SHISA9: variants seen among roughly 807,000 people sequenced by gnomAD.
SHISA9 encodes the protein protein shisa-9.
In SHISA9, 13 loss-of-function variants were observed where a neutral mutation model predicts 38.0. That is an observed-to-expected ratio of 0.34 (90% confidence interval 0.22 to 0.54). SHISA9 has a LOEUF of 0.54. Among genes scored for constraint, SHISA9 ranks in the 20% least tolerant of loss-of-function variants. The pLI is 0.91. For synonymous variants in SHISA9, 275 were observed against 242.0 expected, an observed-to-expected ratio of 1.14 and a Z score of -1.27; for missense variants, 538 against 575.8, an observed-to-expected ratio of 0.93 and a Z score of 0.67.
the SHISA9 span, among the ~76,000 whole-genome samples, chr16:13,386,655 T>C: frequency 6.6e-6 from 1 of 152,220 alleles, no homozygotes; most frequent in African/African-American, 2.4e-5. Context: ...TTTTCTTTGA[T>C]GTGGATTGTT....
At chr16:13,509,472 C>A in the SHISA9 span, among the ~76,000 whole-genome samples, 2 of 152,048 alleles carry the variant, frequency 1.3e-5, no homozygotes, top group African/African-American at 4.8e-5. Context: ...GTGCTGATAA[C>A]AGTGCCTGCC....
chr16:13,015,878 C>CT (rs1555454816), intron 2 of SHISA9, among the ~76,000 whole-genome samples: 1 of 111,766 alleles, frequency 8.9e-6, no homozygotes, highest in Non-Finnish European at 2.1e-5. Context: ...TTCTTTCTTT[C>CT]TTTCTTTCTT....
the SHISA9 span, among the ~76,000 whole-genome samples, chr16:13,399,498 A>T: frequency 6.6e-6 from 1 of 152,148 alleles, no homozygotes. Flanking sequence ...TATTTTTGTG[A>T]GTCCCCAGGG....
chr16:12,959,757 G>T lies in SHISA9; in HGVS notation c.691+42942G>T, dbSNP rs796632531. ...CCCAGCAAATGAGTGGCAGAGCCAA[G>T]TAGAGCCCAGACCTTCAACCTTCTA... is the stretch of plus-strand genomic sequence containing the variant. On this transcript the variant is annotated intron_variant, in intron 2 of 4. Coordinates refer to ENST00000558583, the MANE Select transcript of SHISA9 (RefSeq NM_001145204.3). Among the ~76,000 whole-genome samples the T allele has an allele frequency of 4.6e-5, 7 of 152,322 alleles. 1 individual carries two copies. Among genetic ancestry groups the T allele is most frequent in the African/African-American group, 1.7e-4 (7 of 41,576 alleles).
chr16:13,323,541 T>C, the SHISA9 span, among the ~76,000 whole-genome samples: 1 of 152,194 alleles, frequency 6.6e-6, no homozygotes, highest in African/African-American at 2.4e-5. Context: ...ATTAATCCTT[T>C]CTCACACTAC....
At chr16:13,502,594 G>A in the SHISA9 span, among the ~76,000 whole-genome samples, 336 of 152,276 alleles carry the variant, frequency 2.2e-3, 5 homozygotes, top group African/African-American at 7.9e-3. Flanking sequence ...GGAAAGACAG[G>A]CCGGGCGCGG....
the SHISA9 span, among the ~76,000 whole-genome samples, chr16:13,285,065 CT>C: frequency 4.0e-5 from 6 of 151,876 alleles, no homozygotes; most frequent in Non-Finnish European, 7.4e-5. Flanking sequence ...CATGGATAGC[CT>C]TTTTTTTCTT....
intron 2 of SHISA9, among the ~76,000 whole-genome samples, chr16:12,975,744 AG>A (rs925540815): frequency 1.3e-5 from 2 of 149,910 alleles, no homozygotes; most frequent in African/African-American, 2.5e-5. Context: ...TGGGGCTGGG[AG>A]GGGGGACTGG....
chr16:13,495,778 A>G, the SHISA9 span, among the ~76,000 whole-genome samples: 1 of 152,212 alleles, frequency 6.6e-6, no homozygotes, highest in Non-Finnish European at 1.5e-5. Context: ...GCAAGGAAAT[A>G]CAAAATGTAA....
At chr16:13,024,538 C>A (rs1376871111) in intron 2 of SHISA9, among the ~76,000 whole-genome samples, 1 of 152,214 alleles carries the variant, frequency 6.6e-6, no homozygotes, top group Non-Finnish European at 1.5e-5. Flanking sequence ...TTCCTTACTC[C>A]CACCAGTGCT....
the SHISA9 span, among the ~76,000 whole-genome samples, chr16:13,437,041 G>A: frequency 6.6e-6 from 1 of 152,092 alleles, no homozygotes; most frequent in African/African-American, 2.4e-5. Context: ...AAAGCACAGG[G>A]AAACCCCACC....
intron 2 of SHISA9, among the ~76,000 whole-genome samples, chr16:13,088,966 T>C (rs979914837): frequency 2.0e-5 from 3 of 152,230 alleles, no homozygotes; most frequent in Admixed American, 6.5e-5. Context: ...ATAGCTCTTA[T>C]TATTTTGAGA....
chr16:12,920,636 C>T (rs559110716), intron 2 of SHISA9, among the ~76,000 whole-genome samples: 2 of 152,202 alleles, frequency 1.3e-5, no homozygotes, highest in East Asian at 1.9e-4. Context: ...CTACTATGTA[C>T]CAGCAAACAT....
chr16:13,434,419 G>GTTTTTTTTTTTTTTTTT, the SHISA9 span, among the ~76,000 whole-genome samples: 5,739 of 63,394 alleles, frequency 0.091, 831 homozygotes, highest in Admixed American at 0.13. Flanking sequence ...GACAAGCTAT[G>GTTTTTTTTTTTTTTTTT]TTTTTTTTTT....
chr16:12,968,743 T>C (rs2072014252), intron 2 of SHISA9, among the ~76,000 whole-genome samples: 1 of 152,140 alleles, frequency 6.6e-6, no homozygotes, highest in South Asian at 2.1e-4. Flanking sequence ...GTAGTAAATA[T>C]TTTAGGCTTG....
At chr16:13,172,732 A>G (rs969338242) in intron 2 of SHISA9, among the ~76,000 whole-genome samples, 4 of 144,786 alleles carry the variant, frequency 2.8e-5, no homozygotes, top group African/African-American at 1.0e-4. Context: ...CAATTCACTT[A>G]TCTTGATGAT....
At chr16:13,034,773 G>A (rs2073033613) in intron 2 of SHISA9, among the ~76,000 whole-genome samples, 1 of 152,186 alleles carries the variant, frequency 6.6e-6, no homozygotes, top group South Asian at 2.1e-4. Context: ...GTTTCTTCTT[G>A]CTGTTTTGTA....
At chr16:13,211,467 C>A (rs1383659188) in intron 3 of SHISA9, among the ~76,000 whole-genome samples, 1 of 152,094 alleles carries the variant, frequency 6.6e-6, no homozygotes, top group Non-Finnish European at 1.5e-5. Context: ...AAAAAGCATA[C>A]ACTTGGTTAT....
the SHISA9 span, among the ~76,000 whole-genome samples, chr16:13,315,495 G>A: frequency 7.2e-5 from 11 of 152,274 alleles, 1 homozygote; most frequent in Middle Eastern, 0.017. Context: ...AGTTAGGGAG[G>A]GATTTCTCTC....
Sources: allele counts gnomAD v4.1 joint callset (sites outside exome capture counted in the v4.1 genomes callset), GRCh38; gene constraint gnomAD v4.1.1; transcripts MANE v1.5; gene names NCBI Gene and HGNC (gene_info 2026-07-23, HGNC 2026-07-21).